The following PRAG1 variants were observed in gnomAD, a reference collection of about 807,000 sequenced individuals.
The protein encoded by PRAG1 is PEAK1 related, kinase-activating pseudokinase 1.
A neutral mutation model predicts 95.6 loss-of-function variants in PRAG1; 110 were observed. That is an observed-to-expected ratio of 1.15 (90% CI 0.99 to 1.35). PRAG1 has a LOEUF of 1.35. PRAG1 is among the 40% of genes most tolerant of loss of function. PRAG1 has a pLI of 0.00. For missense variants in PRAG1, 2,554 were observed against 1,864.7 expected, an observed-to-expected ratio of 1.37 and a Z score of -6.81; for synonymous variants, 1,052 against 819.4, an observed-to-expected ratio of 1.28 and a Z score of -4.85.
chr8:8,380,119 C>A (rs917326290), intron 2 of PRAG1, among the ~76,000 whole-genome samples: 2 of 151,604 alleles, frequency 1.3e-5, no homozygotes, highest in East Asian at 3.9e-4. Flanking sequence ...AACAAAAAAA[C>A]GCCAAATAAG....
chr8:8,328,866 G>A (rs528155530), intron 4 of PRAG1, among the ~76,000 whole-genome samples: 1 of 152,324 alleles, frequency 6.6e-6, no homozygotes, highest in East Asian at 1.9e-4. Flanking sequence ...ACATCTTGGA[G>A]AGATTTTTAA....
Position 8,386,325 on chromosome 8 carries a change from G to A in PRAG1, c.-92C>T, listed in dbSNP as rs1045344272. The A allele has an allele frequency of 1.3e-5, 2 of 152,340 alleles. No homozygotes were observed. The highest frequency in any genetic ancestry group is 2.9e-5 in the Non-Finnish European group (2 of 68,170). 9.4% of individuals were successfully genotyped at this position (152,340 alleles called of 1,614,324 possible). On this transcript the variant is annotated 5_prime_UTR_variant, in exon 1 of 6. The change creates a premature stop within an existing upstream ORF in the 5' untranslated region. Transcript: ENST00000615670. The stretch of plus-strand genomic sequence containing the variant: ...GAGAGCGCGTCGCGGGCTCACCTCT[G>A]GGCTGCGCTCCCCCGGCCCCTCCGT...
At chr8:8,384,999 C>T (rs1223533294) in intron 1 of PRAG1, among the ~76,000 whole-genome samples, 1 of 152,174 alleles carries the variant, frequency 6.6e-6, no homozygotes, top group Non-Finnish European at 1.5e-5. Flanking sequence ...ACTCCCACCC[C>T]ATTTCAAAAA....
chr8:8,333,673 A>C (rs1798892077), intron 4 of PRAG1, among the ~76,000 whole-genome samples: 1 of 152,208 alleles, frequency 6.6e-6, no homozygotes, highest in Non-Finnish European at 1.5e-5. Context: ...CTGACAGAGG[A>C]AGTGGTCAGT....
rs75862315 is a variant in PRAG1 at position 8,378,132 on chromosome 8, A to G, written c.331-54T>C. ...TATATTAGAACTTGTCATAGAAAAA[A>G]GAGAGAGAGGAAAAGTGAGAGGGAA... is the stretch of plus-strand genomic sequence containing the variant. On this transcript the variant is annotated intron_variant, in intron 2 of 5. Coordinates refer to ENST00000615670, the MANE Select transcript of PRAG1 (RefSeq NM_001080826.3). 1.3e-3 allele frequency: 1,985 copies of G among 1,497,046 alleles called. 45 individuals are homozygous for G. The East Asian group carries it at 0.039, about 30-fold the overall frequency. The allele number at this position is 1,497,046 out of a possible 1,614,324, so 92.7% of individuals were successfully genotyped here.
chr8:8,328,441 G>A lies in PRAG1; in HGVS notation c.2341C>T (p.His781Tyr), dbSNP rs747639107. The A allele has an allele frequency of 9.3e-6, 15 of 1,613,628 alleles. No individual in the cohort carries two copies. The South Asian group carries it at 1.6e-4, about 18-fold the overall frequency. ...SDGGPSSELA[H>Y]SPTNSGKKLF... ...TTCTTCCCGCTGTTGGTGGGCGAGTGAGCCAGCTCAGACGAGGGACCTGAA... is the reference window on the plus strand; with the variant it reads ...TTCTTCCCGCTGTTGGTGGGCGAGTAAGCCAGCTCAGACGAGGGACCTGAA... The change falls in exon 5 of 6, where the codon CAC becomes TAC. Residue 781 changes from histidine (H) to tyrosine (Y), a missense_variant. Physicochemically the swap from His to Tyr is moderately conservative, Grantham distance 83 (BLOSUM62 2). Coordinates refer to ENST00000615670, the MANE Select transcript of PRAG1 (RefSeq NM_001080826.3).
intron 4 of PRAG1, among the ~76,000 whole-genome samples, chr8:8,332,630 C>T (rs745826603): frequency 6.7e-6 from 1 of 150,270 alleles, no homozygotes; most frequent in Non-Finnish European, 1.5e-5. Context: ...CCCACCCCCA[C>T]CCCACCACCT....
intron 3 of PRAG1, among the ~76,000 whole-genome samples, chr8:8,371,662 G>A (rs759430154): frequency 2.0e-5 from 3 of 152,128 alleles, no homozygotes; most frequent in African/African-American, 7.2e-5. Context: ...TTGAGCCCAG[G>A]AGTTCGAGAC....
intron 5 of PRAG1, among the ~76,000 whole-genome samples, chr8:8,327,426 T>C (rs1385292036): frequency 2.1e-4 from 32 of 152,098 alleles, no homozygotes; most frequent in Admixed American, 2.1e-3. Context: ...AAAAATTAGC[T>C]GGGTACCGTG....
At chr8:8,332,246 C>G (rs1422731849) in intron 4 of PRAG1, among the ~76,000 whole-genome samples, 1 of 151,318 alleles carries the variant, frequency 6.6e-6, no homozygotes. Flanking sequence ...ACTGCAAACT[C>G]TGCCTCCTGG....
In PRAG1 at chr8:8,378,028, A is replaced by G. The variant is rs1218644858; in HGVS notation, c.381T>C (p.Asp127=). 6.4e-7 allele frequency: 1 copy of G among 1,573,178 alleles called. No individual in the cohort carries two copies. The highest frequency in any genetic ancestry group is 1.2e-5 in the South Asian group (1 of 84,706). The stretch of plus-strand genomic sequence containing the variant: ...AGCTGCCCAGGTAGACGACGGGGGC[A>G]TCCTCCTGCTTCGGGAGGGGGAGCT... ...PGKLPLPKQE[D]APVVYLGSFR... Residue 127 remains aspartate (D), a synonymous_variant, in exon 3 of 6, where the codon GAT becomes GAC. Coordinates refer to ENST00000615670, the MANE Select transcript of PRAG1 (RefSeq NM_001080826.3).
At chr8:8,338,234 C>T (rs1162581242) in intron 4 of PRAG1, among the ~76,000 whole-genome samples, 1 of 152,188 alleles carries the variant, frequency 6.6e-6, no homozygotes, top group East Asian at 1.9e-4. Context: ...CTTATCTTTC[C>T]TAGTCAGTTC....
At position 8,318,891 on chromosome 8, in the gene PRAG1, G is replaced by C; in HGVS notation, c.3484C>G (p.Pro1162Ala). The stretch of plus-strand genomic sequence containing the variant: ...GGGGCGGGGGCGGGGGCGGGCCCGG[G>C]GCCGGCCTGGAGGGTGCAGTGCACC... ...LLVHCTLQAG[P>A]GPAPAPAPAP... is the part of the protein sequence containing the mutation. Residue 1162 changes from proline (P) to alanine (A), a missense_variant, in exon 6 of 6, where the codon CCC (proline) becomes GCC (alanine). Physicochemically the swap from Pro to Ala is conservative, Grantham distance 27. Transcript: ENST00000615670. The surrounding 1 kb of genome is among the most constrained non-coding windows in gnomAD (Gnocchi z 4.2). The C allele has an allele frequency of 1.4e-6, 2 of 1,467,724 alleles. No individual in the cohort carries two copies. The highest frequency in any genetic ancestry group is 1.8e-6 in the Non-Finnish European group (2 of 1,098,862). 90.9% of individuals were successfully genotyped at this position (1,467,724 alleles called of 1,614,324 possible). A position where few individuals can be genotyped will look rare whatever the true frequency, so the allele number is the denominator to read the frequency against.
chr8:8,332,489 GATATGCCTGGTTCTATGACAAGC>G (rs764210127), intron 4 of PRAG1, among the ~76,000 whole-genome samples: 17 of 152,030 alleles, frequency 1.1e-4, no homozygotes, highest in Non-Finnish European at 2.1e-4. Context: ...ATTCAGAAAA[GATATGCCTGGTTCTATGACAAGC>G]ATACTGCATT....
At position 8,318,109 on chromosome 8, in the gene PRAG1, G is replaced by T; in HGVS notation, c.*45C>A. 4 of 1,563,022 alleles carry T rather than the reference G, an allele frequency of 2.6e-6. No individual in the cohort carries two copies. Among genetic ancestry groups the T allele is most frequent in the South Asian group, 1.2e-5 (1 of 82,358 alleles). ...GTGCTTCCAAGGCGAGACAGGAAAG[G>T]GTTAGGCAGGGAAGGGGCAGCGACG... On this transcript the variant is annotated 3_prime_UTR_variant, in exon 6 of 6. Coordinates refer to ENST00000615670, the MANE Select transcript of PRAG1 (RefSeq NM_001080826.3). The surrounding 1 kb of genome is among the most constrained non-coding windows in gnomAD (Gnocchi z 4.2).
At chr8:8,383,295 G>T (rs865916205) in intron 1 of PRAG1, among the ~76,000 whole-genome samples, 3 of 152,194 alleles carry the variant, frequency 2.0e-5, no homozygotes, top group Non-Finnish European at 4.4e-5. Flanking sequence ...TTGAGGCCAG[G>T]CGCGGTGGCT....
chr8:8,328,337 G>C lies in PRAG1; in HGVS notation c.2445C>G (p.Leu815=). 6.2e-7 allele frequency: 1 copy of C among 1,613,660 alleles called. No individual in the cohort carries two copies. Among genetic ancestry groups the C allele is most frequent in the African/African-American group, 1.3e-5 (1 of 75,006 alleles). The change falls in exon 5 of 6, where the codon CTC becomes CTG. Residue 815 remains leucine (L), a synonymous_variant. Coordinates refer to ENST00000615670, the MANE Select transcript of PRAG1 (RefSeq NM_001080826.3). Reference sequence around the variant, plus strand: ...CCCGGCTCACTATCTTTTTCTGGGGGAGTGGAGGGGGCTGCTGGGGGCCAC... The same window carrying C: ...CCCGGCTCACTATCTTTTTCTGGGGCAGTGGAGGGGGCTGCTGGGGGCCAC... ...SPSGPQQPPP[L]PQKKIVSRAA...
Position 8,381,822 on chromosome 8 carries a change from A to G in PRAG1, c.-75T>C, listed in dbSNP as rs1800685066. ...GTTTTGTGGGATTCAGAGGTGGGTC[A>G]CAGAGCGGCTTCCTAGAAAGGCAGG... On this transcript the variant is annotated 5_prime_UTR_variant, in exon 2 of 6. Transcript: ENST00000615670. The G allele has an allele frequency of 1.6e-6, 2 of 1,254,412 alleles. No individual in the cohort carries two copies. Among genetic ancestry groups the G allele is most frequent in the Admixed American group, 2.7e-5 (1 of 36,462 alleles). 77.7% of individuals were successfully genotyped at this position (1,254,412 alleles called of 1,614,324 possible).
rs1165044991 is a variant in PRAG1, at chr8:8,377,998, T to G, written c.411A>C (p.Arg137=). Residue 137 remains arginine (R), a synonymous_variant, in exon 3 of 6, where the codon CGA becomes CGC. Transcript: ENST00000615670. ...DAPVVYLGSF[R]GVQKPAGPST... The stretch of plus-strand genomic sequence containing the variant: ...AGGGACCAGCAGGCTTCTGTACACC[T>G]CGGAAGCTGCCCAGGTAGACGACGG... 1 of 1,604,332 alleles carries G rather than the reference T, an allele frequency of 6.2e-7. No homozygotes were observed. Among genetic ancestry groups the G allele is most frequent in the African/African-American group, 1.3e-5 (1 of 74,652 alleles).
Sources: allele counts gnomAD v4.1 joint callset (sites outside exome capture counted in the v4.1 genomes callset), GRCh38; gene constraint gnomAD v4.1.1; non-coding constraint Gnocchi (gnomAD v3.1); transcripts MANE v1.5; gene names NCBI Gene and HGNC (gene_info 2026-07-23, HGNC 2026-07-21).